Variants in EBF2 observed in about 807,000 individuals in gnomAD.
The protein encoded by EBF2 is EBF transcription factor 2, also known as transcription factor COE2.
A neutral mutation model predicts 72.8 loss-of-function variants in EBF2; 21 were observed. The ratio of observed to expected loss-of-function variants is 0.29; its 90% CI spans 0.20 to 0.42. The LOEUF is 0.42. Among genes scored for constraint, EBF2 ranks in the 10% least tolerant of loss-of-function variants. The pLI is 1.00. For synonymous variants in EBF2, 299 were observed against 274.2 expected, an observed-to-expected ratio of 1.09 and a Z score of -0.89; for missense variants, 637 against 731.2, an observed-to-expected ratio of 0.87 and a Z score of 1.49.
intron 6 of EBF2, among the ~76,000 whole-genome samples, chr8:25,958,401 AT>A (rs61438717): frequency 0.25 from 38,227 of 150,138 alleles, 4,882 homozygotes; most frequent in Non-Finnish European, 0.27. Flanking sequence ...TTTCCCCGGC[AT>A]TTTTTTTTTT....
chr8:25,968,543 AGTT>A (rs1189556342), intron 6 of EBF2, among the ~76,000 whole-genome samples: 5 of 152,000 alleles, frequency 3.3e-5, no homozygotes, highest in South Asian at 2.1e-4. Flanking sequence ...GGAAAATGGG[AGTT>A]GTTGTTTAAT....
intron 6 of EBF2, among the ~76,000 whole-genome samples, chr8:25,948,390 C>T (rs576183455): frequency 1.7e-4 from 26 of 152,198 alleles, no homozygotes; most frequent in East Asian, 9.6e-4. Flanking sequence ...TTTCCAGATG[C>T]CCCTCAGATC....
intron 6 of EBF2, among the ~76,000 whole-genome samples, chr8:25,932,535 G>A (rs1803502038): frequency 6.6e-6 from 1 of 152,146 alleles, no homozygotes; most frequent in Non-Finnish European, 1.5e-5. Flanking sequence ...TACCACTACG[G>A]CAGAAGCCTC....
At chr8:26,002,896 AGGCGGGCAGGCGGGCAGGCGGGCAGGCG>A (rs1563204711) in intron 6 of EBF2, among the ~76,000 whole-genome samples, 527 of 14,904 alleles carry the variant, frequency 0.035, 2 homozygotes, top group East Asian at 0.16. Context: ...GCGGGCAGGC[AGGCGGGCAGGCGGGCAGGCGGGCAGGCG>A]GGCAGGCAGG....
intron 5 of EBF2, 34 bp downstream of exon 5, chr8:26,039,994 T>C: frequency 6.2e-7 from 1 of 1,605,482 alleles, no homozygotes; most frequent in East Asian, 2.2e-5. Flanking sequence ...ACCTGCGGGC[T>C]CTCCAGGAAG....
intron 2 of EBF2, chr8:26,041,244 C>T: frequency 1.7e-6 from 1 of 572,842 alleles, no homozygotes; most frequent in East Asian, 2.9e-5. Flanking sequence ...TAAAAATGTC[C>T]TCAGAAGTGT....
intron 7 of EBF2, among the ~76,000 whole-genome samples, chr8:25,907,236 T>C (rs1803050035): frequency 6.6e-6 from 1 of 151,512 alleles, no homozygotes; most frequent in Non-Finnish European, 1.5e-5. Flanking sequence ...CTGGGCAACA[T>C]GGCAAAACCC....
At chr8:26,004,637 T>C (rs1351681508) in intron 6 of EBF2, among the ~76,000 whole-genome samples, 1 of 122,792 alleles carries the variant, frequency 8.1e-6, no homozygotes, top group African/African-American at 3.2e-5. Context: ...ATCACCCCAC[T>C]GCACTCCAGC....
chr8:25,940,059 G>C (rs575607654), intron 6 of EBF2, among the ~76,000 whole-genome samples: 1 of 152,226 alleles, frequency 6.6e-6, no homozygotes, highest in East Asian at 1.9e-4. Flanking sequence ...TTATACACCT[G>C]TTGATTATAA....
At position 25,850,676 on chromosome 8, in the gene EBF2, C is replaced by T. The variant is rs1466066924; in HGVS notation, c.1614G>A (p.Gln538=). ...TGATGACAGGGGCAAAGGCACTCTT[C>T]TGTTTGACAGCAGGAAAAACTGAAG... ...FSSSVFPAVK[Q]KSAFAPVIRP... is the part of the protein sequence containing the mutation. The change falls in exon 15 of 16, where the codon CAG becomes CAA. Residue 538 remains glutamine, a synonymous_variant. Transcript: ENST00000520164. The T allele has an allele frequency of 6.4e-7, 1 of 1,562,088 alleles. No individual in the cohort carries two copies. Among genetic ancestry groups the T allele is most frequent in the East Asian group, 2.4e-5 (1 of 41,478 alleles).
intron 13 of EBF2, among the ~76,000 whole-genome samples, chr8:25,859,947 G>T (rs1343849660): frequency 6.6e-6 from 1 of 151,724 alleles, no homozygotes; most frequent in Non-Finnish European, 1.5e-5. Flanking sequence ...AAACTCCTGA[G>T]CTCAAGCAAT....
At chr8:25,944,611 G>A (rs1803733687) in intron 6 of EBF2, among the ~76,000 whole-genome samples, 1 of 146,710 alleles carries the variant, frequency 6.8e-6, no homozygotes, top group Non-Finnish European at 1.5e-5. Flanking sequence ...AAATTATATT[G>A]CATATAATCT....
chr8:25,850,840 A>C, intron 14 of EBF2, 79 bp from the exon 15 acceptor site: 1 of 1,463,010 alleles, frequency 6.8e-7, no homozygotes, highest in Non-Finnish European at 9.1e-7. Flanking sequence ...ATTTATTGAG[A>C]AATTGTTAAT....
At chr8:26,019,162 G>A (rs77877971) in intron 6 of EBF2, among the ~76,000 whole-genome samples, 2,322 of 152,184 alleles carry the variant, frequency 0.015, 27 homozygotes, top group African/African-American at 0.027. Flanking sequence ...GGCATCAAAT[G>A]CCAAGAAGCT....
At chr8:26,007,664 C>A (rs1023159741) in intron 6 of EBF2, among the ~76,000 whole-genome samples, 2 of 152,102 alleles carry the variant, frequency 1.3e-5, no homozygotes, top group Non-Finnish European at 2.9e-5. Flanking sequence ...CCTAGGCTCA[C>A]GCCAAGCCTT....
At chr8:26,020,358 T>A (rs1805184756) in intron 6 of EBF2, among the ~76,000 whole-genome samples, 1 of 152,076 alleles carries the variant, frequency 6.6e-6, no homozygotes, top group Non-Finnish European at 1.5e-5. Context: ...ATTTACAAGC[T>A]CAATGGACGC....
Position 26,020,411 on chromosome 8 carries a change from A to G in EBF2, c.551+12674T>C, listed in dbSNP as rs529284479. 2.6e-5 allele frequency among the ~76,000 whole-genome samples: 4 copies of G among 152,358 alleles called. No individual in the cohort carries two copies. The East Asian group carries it at 7.7e-4, about 29-fold the overall frequency. The stretch of plus-strand genomic sequence containing the variant: ...GCCAGCCCAGAGTTATAAATGGGAC[A>G]CCTACAGTGAAACCAGCATTTTATT... On this transcript the variant is annotated intron_variant, in intron 6 of 15. Transcript: ENST00000520164.
chr8:26,003,923 C>G (rs1313684130), intron 6 of EBF2, among the ~76,000 whole-genome samples: 1 of 152,150 alleles, frequency 6.6e-6, no homozygotes, highest in Non-Finnish European at 1.5e-5. Flanking sequence ...GTTTGCGCTC[C>G]TGGGGGACCA....
intron 7 of EBF2, among the ~76,000 whole-genome samples, chr8:25,907,328 G>A (rs1458415886): frequency 7.2e-6 from 1 of 139,266 alleles, no homozygotes; most frequent in Non-Finnish European, 1.5e-5. Flanking sequence ...GGTGAGGCAT[G>A]AGAATCCCTT....
Sources: gnomAD v4.1 joint callset for allele counts (sites outside exome capture counted in the v4.1 genomes callset) on GRCh38, gnomAD v4.1.1 for gene constraint, MANE v1.5 for transcripts, NCBI Gene and HGNC (gene_info 2026-07-23, HGNC 2026-07-21) for gene names.